Variants in SEZ6 observed in about 807,000 individuals in gnomAD.
SEZ6 encodes seizure protein 6 homolog.
A neutral mutation model predicts 101.0 loss-of-function variants in SEZ6; 53 were observed. The ratio of observed to expected loss-of-function variants is 0.52; its 90% CI spans 0.42 to 0.66. The LOEUF (loss-of-function observed/expected upper bound fraction) is 0.66, where lower values mean the gene tolerates loss of function less well. SEZ6 is among the 30% of genes least tolerant of loss of function. The pLI, the probability that SEZ6 is intolerant of heterozygous loss-of-function variation, is 0.00. For missense variants in SEZ6, 1,102 were observed against 1,289.4 expected (o/e 0.85, Z 2.23); for synonymous variants, 488 against 512.2 (o/e 0.95, Z 0.64).
Position 28,958,110 on chromosome 17 carries a change from C to A in SEZ6, c.2139G>T (p.Leu713=). The A allele has an allele frequency of 6.2e-7, 1 of 1,602,162 alleles. No homozygotes were observed. The highest frequency in any genetic ancestry group is 8.5e-7 in the Non-Finnish European group (1 of 1,170,104). Residue 713 remains leucine, a synonymous_variant, in exon 11 of 17, where the codon CTG becomes CTT. Transcript: ENST00000317338. ...EVPRNDTCPE[L]PEIPNGWKSP... ...TCTTCCAGCCATTGGGGATCTCAGG[C>A]AGCTCCGGACATGTGTCATTGCGGG...
At position 28,995,350 on chromosome 17, in the gene SEZ6, G is replaced by C. The variant is rs532756391; in HGVS notation, c.55+10465C>G. ...TCTCTGTGTGTGTGCATGTATGTGG[G>C]GGGGGGTGCATTAGGTGAGGAATAG... On this transcript the variant is annotated intron_variant, in intron 1 of 16. Transcript: ENST00000317338. Among the ~76,000 whole-genome samples the C allele has an allele frequency of 1.3e-3, 197 of 152,194 alleles. 1 individual carries two copies. The highest frequency in any genetic ancestry group is 4.5e-3 in the African/African-American group (186 of 41,512).
At chr17:29,000,347 T>G (rs975007381) in intron 1 of SEZ6, among the ~76,000 whole-genome samples, 5 of 152,202 alleles carry the variant, frequency 3.3e-5, no homozygotes, top group Admixed American at 6.5e-5. Flanking sequence ...TGACTTAATC[T>G]CATCAAAACT....
Position 28,956,747 on chromosome 17 carries a change from A to T in SEZ6, c.2703T>A (p.Asp901Glu). 1 of 1,563,774 alleles carries T rather than the reference A, an allele frequency of 6.4e-7. No individual in the cohort carries two copies. The highest frequency in any genetic ancestry group is 1.9e-5 in the Admixed American group (1 of 52,226). The part of the protein sequence containing the change: ...PPPICRAASL[D>E]GFYNSRSLDV... ...CCAGGCTGCGACTGTTGTAGAACCC[A>T]TCCAGAGAGGCTGGAACAAAAGGGG... Residue 901 changes from aspartate to glutamate, a missense_variant, in exon 14 of 17, where the codon GAT (aspartate) becomes GAA (glutamate). Physicochemically the swap from Asp to Glu is conservative, Grantham distance 45. Coordinates refer to ENST00000317338, the MANE Select transcript of SEZ6 (RefSeq NM_178860.5).
intron 4 of SEZ6, among the ~76,000 whole-genome samples, chr17:28,967,549 C>T (rs1026371348): frequency 2.0e-5 from 3 of 152,142 alleles, no homozygotes; most frequent in East Asian, 1.9e-4. Context: ...GGGGAGAGGT[C>T]CCAGTCCAGG....
rs768188621 is a variant in SEZ6 at position 28,969,879 on chromosome 17, A to C, written c.932T>G (p.Leu311Arg). 1 of 1,541,758 alleles carries C rather than the reference A, an allele frequency of 6.5e-7. No individual in the cohort carries two copies. Among genetic ancestry groups the C allele is most frequent in the Non-Finnish European group, 8.7e-7 (1 of 1,152,976 alleles). Residue 311 changes from leucine (L) to arginine (R), a missense_variant, in exon 4 of 17, where the codon CTG becomes CGG. Physicochemically the swap from Leu to Arg is moderately radical, Grantham distance 102. Around this residue, in one of 3 missense-constraint regions of SEZ6, gnomAD observed 406 missense variants for 418.6 expected, o/e 0.97. Transcript: ENST00000317338. ...CCGCAGCAGGAAAGACTGGTTGGCC[A>C]GGGGCAGTGGGTCAGGCCCCCCCAG... ...EGLGGPDPLP[L>R]ANQSFLLRGQ... is the part of the protein sequence containing the mutation.
At chr17:28,957,286 C>A in intron 12 of SEZ6, 44 bp from the exon 13 acceptor site, 2 of 1,611,482 alleles carry the variant, frequency 1.2e-6, no homozygotes, top group Non-Finnish European at 1.7e-6. Flanking sequence ...TGCCCTTGGC[C>A]TCCAGGGCAG....
In SEZ6 at chr17:29,005,772, C is replaced by A; in HGVS notation, c.55+43G>T. ...GTCTCCCTTCCCACCCCTGGGGCCC[C>A]GCTCCCGCCCCCGTCCTGCCGCCGG... On this transcript the variant is annotated intron_variant, in intron 1 of 16. Transcript: ENST00000317338. This position sits in a 1 kb window ranked among gnomAD's most constrained non-coding sequence, Gnocchi z 4.8. 2 of 1,472,234 alleles carry A rather than the reference C, an allele frequency of 1.4e-6. No individual in the cohort carries two copies. Among genetic ancestry groups the A allele is most frequent in the Non-Finnish European group, 1.8e-6 (2 of 1,110,932 alleles). 91.2% of individuals were successfully genotyped at this position (1,472,234 alleles called of 1,614,324 possible).
chr17:28,981,128 T>A (rs866613510), intron 2 of SEZ6, among the ~76,000 whole-genome samples: 84 of 152,012 alleles, frequency 5.5e-4, no homozygotes, highest in African/African-American at 2.0e-3. Flanking sequence ...ACTCCTGACC[T>A]CAGATGATCC....
At chr17:28,992,991 A>T (rs1240321481) in intron 1 of SEZ6, among the ~76,000 whole-genome samples, 1 of 152,024 alleles carries the variant, frequency 6.6e-6, no homozygotes, top group Non-Finnish European at 1.5e-5. Context: ...ACAGTTCCTC[A>T]GACTGGGCAG....
chr17:28,971,702 G>A (rs1226152582), intron 3 of SEZ6, among the ~76,000 whole-genome samples: 1 of 152,194 alleles, frequency 6.6e-6, no homozygotes, highest in Non-Finnish European at 1.5e-5. Flanking sequence ...TGGGCTCAAG[G>A]TTCCTACCAT....
In SEZ6 at chr17:28,989,936, G is replaced by A. The variant is rs1260128121; in HGVS notation, c.56-7897C>T. Among the ~76,000 whole-genome samples the A allele has an allele frequency of 2.6e-5, 4 of 152,158 alleles. No individual in the cohort carries two copies. In the East Asian group the frequency reaches 5.8e-4, roughly 22 times the overall value. On this transcript the variant is annotated intron_variant, in intron 1 of 16. Coordinates refer to ENST00000317338, the MANE Select transcript of SEZ6 (RefSeq NM_178860.5). ...AAAATACAAAAGTTAGCTGGGCGTG[G>A]TGGTGCACACCTGTAATCCCAGCTA...
Position 28,966,355 on chromosome 17 carries a change from C to T in SEZ6, c.1055-2208G>A, listed in dbSNP as rs930131955. Among the ~76,000 whole-genome samples, 7 of 150,604 alleles carry T rather than the reference C, an allele frequency of 4.6e-5. 1 individual carries two copies. The highest frequency in any genetic ancestry group is 3.0e-5 in the Non-Finnish European group (2 of 67,782). On this transcript the variant is annotated intron_variant, in intron 4 of 16. Transcript: ENST00000317338. ...AAAATGATCTGGGCATGGTGGCACG[C>T]GCCTGTAGTCCCAGTTACTTGGGAG...
At chr17:29,002,431 C>T (rs2041627407) in intron 1 of SEZ6, among the ~76,000 whole-genome samples, 1 of 152,198 alleles carries the variant, frequency 6.6e-6, no homozygotes, top group Admixed American at 6.5e-5. Context: ...TTTTAAGCGG[C>T]CACCCTGCTG....
At chr17:28,980,090 G>T (rs188390712) in intron 2 of SEZ6, among the ~76,000 whole-genome samples, 42 of 150,222 alleles carry the variant, frequency 2.8e-4, no homozygotes, top group Non-Finnish European at 3.8e-4. Flanking sequence ...CTCATGATCC[G>T]CCCGCCTCAG....
Position 28,982,015 on chromosome 17 carries a change from A to G in SEZ6, c.80T>C (p.Val27Ala). 1 of 1,605,348 alleles carries G rather than the reference A, an allele frequency of 6.2e-7. No homozygotes were observed. Among genetic ancestry groups the G allele is most frequent in the Non-Finnish European group, 8.5e-7 (1 of 1,175,890 alleles). Residue 27 changes from valine (V) to alanine (A), a missense_variant, in exon 2 of 17, where the codon GTG (valine) becomes GCG (alanine). Coordinates refer to ENST00000317338, the MANE Select transcript of SEZ6 (RefSeq NM_178860.5). Reference protein sequence around the residue: ...AHGLSLEAPTVGKGQAPGIEE... With the variant: ...AHGLSLEAPTAGKGQAPGIEE... The stretch of plus-strand genomic sequence containing the variant: ...GATGCCTGGGGCTTGTCCTTTCCCC[A>G]CGGTTGGGGCCTCTAAAGAGAGTCC...
At chr17:29,002,502 A>G (rs1568006426) in intron 1 of SEZ6, among the ~76,000 whole-genome samples, 1 of 152,112 alleles carries the variant, frequency 6.6e-6, no homozygotes, top group Non-Finnish European at 1.5e-5. Flanking sequence ...CAAAAAGCCA[A>G]CTCAGGCTTC....
Position 28,991,918 on chromosome 17 carries a change from A to C in SEZ6, c.56-9879T>G, listed in dbSNP as rs538724918. 5.8e-4 allele frequency among the ~76,000 whole-genome samples: 89 copies of C among 152,308 alleles called. 1 individual carries two copies. The South Asian group carries it at 0.018, about 30-fold the overall frequency. On this transcript the variant is annotated intron_variant, in intron 1 of 16. Transcript: ENST00000317338. Reference sequence around the variant, plus strand: ...CAGTTTAGGAGGATTTTATGGGTGGAGGACAGCCAGGAACACTTAGCTTCG... The same window carrying C: ...CAGTTTAGGAGGATTTTATGGGTGGCGGACAGCCAGGAACACTTAGCTTCG...
At chr17:28,999,064 T>C (rs2152693352) in intron 1 of SEZ6, among the ~76,000 whole-genome samples, 1 of 152,238 alleles carries the variant, frequency 6.6e-6, no homozygotes, top group African/African-American at 2.4e-5. Context: ...TCAAAGCACC[T>C]GGTAGCTGTT....
chr17:28,979,574 A>G (rs1222990273), intron 3 of SEZ6, 106 bp downstream of exon 3: 1 of 1,520,690 alleles, frequency 6.6e-7, no homozygotes, highest in Non-Finnish European at 9.0e-7. Flanking sequence ...GATGCCCCAC[A>G]ATTGATGCCC....
Sources: gnomAD v4.1 joint callset for allele counts (sites outside exome capture counted in the v4.1 genomes callset) on GRCh38, gnomAD v4.1.1 for gene constraint, gnomAD v4.1.1 regional missense constraint, Gnocchi (gnomAD v3.1) non-coding constraint, MANE v1.5 for transcripts, NCBI Gene and HGNC (gene_info 2026-07-23, HGNC 2026-07-21) for gene names.